SCN9A: variants seen among roughly 807,000 people sequenced by gnomAD.
SCN9A encodes the protein sodium voltage-gated channel alpha subunit 9.
In SCN9A, 131 loss-of-function variants were observed where a neutral mutation model predicts 187.0. The observed-to-expected ratio is 0.70, with a 90% confidence interval of 0.61 to 0.81. SCN9A has a LOEUF of 0.81. Among genes scored for constraint, SCN9A ranks in the 30% least tolerant of loss-of-function variants. The pLI is 0.00. For missense variants in SCN9A, 2,252 were observed against 2,396.6 expected (o/e 0.94, Z 1.26); for synonymous variants, 809 against 808.6 (o/e 1.00, Z -0.01).
intron 1 of SCN9A, among the ~76,000 whole-genome samples, chr2:166,313,327 T>C (rs1174580324): frequency 6.6e-6 from 1 of 152,148 alleles, no homozygotes; most frequent in Non-Finnish European, 1.5e-5. Flanking sequence ...CTATAATATA[T>C]TCTTCTAGTA....
At chr2:166,242,069 C>T (rs529882826) in intron 19 of SCN9A, among the ~76,000 whole-genome samples, 8 of 152,248 alleles carry the variant, frequency 5.3e-5, no homozygotes, top group African/African-American at 9.6e-5. Flanking sequence ...GACTGTTGCT[C>T]GCCAGTTGGA....
chr2:166,263,306 C>T (rs1696595092), intron 17 of SCN9A, among the ~76,000 whole-genome samples: 1 of 151,994 alleles, frequency 6.6e-6, no homozygotes, highest in African/African-American at 2.4e-5. Flanking sequence ...CCTGAAAACA[C>T]TTCTCAGTAA....
chr2:166,305,464 T>C (rs1295563182), intron 5 of SCN9A, among the ~76,000 whole-genome samples: 1 of 152,136 alleles, frequency 6.6e-6, no homozygotes, highest in African/African-American at 2.4e-5. Flanking sequence ...GTTTTTTGTG[T>C]GCTTCTTATA....
chr2:166,278,361 A>G (rs1697330188), intron 14 of SCN9A, 48 bp from the exon 15 acceptor site: 2 of 1,398,460 alleles, frequency 1.4e-6, no homozygotes, highest in Non-Finnish European at 1.9e-6. Context: ...AAAACAGGAA[A>G]TCAACACAAT....
chr2:166,235,086 C>T (rs780393272), intron 20 of SCN9A, among the ~76,000 whole-genome samples: 35 of 152,086 alleles, frequency 2.3e-4, no homozygotes, highest in Non-Finnish European at 5.9e-5. Context: ...CTTAGACTTC[C>T]CAGCTTCCAG....
intron 8 of SCN9A, 161 bp downstream of exon 8, chr2:166,294,438 A>G (rs1200255534): frequency 1.9e-6 from 1 of 527,822 alleles, no homozygotes; most frequent in African/African-American, 1.9e-5. Context: ...TTAACTGTGA[A>G]CATTTTAAAG....
At chr2:166,285,858 A>G (rs563656489) in intron 11 of SCN9A, among the ~76,000 whole-genome samples, 20 of 152,234 alleles carry the variant, frequency 1.3e-4, no homozygotes, top group African/African-American at 4.6e-4. Context: ...ATGGCACTAC[A>G]TATTAGTAGT....
chr2:166,305,951 T>G, intron 4 of SCN9A, 31 bp from the exon 5 acceptor site: 1 of 1,608,838 alleles, frequency 6.2e-7, no homozygotes, highest in East Asian at 2.2e-5. Flanking sequence ...GGATACTAGA[T>G]GTGAAAAGAA....
At chr2:166,327,011 C>T (rs761511663) in intron 1 of SCN9A, among the ~76,000 whole-genome samples, 4 of 152,048 alleles carry the variant, frequency 2.6e-5, no homozygotes, top group Non-Finnish European at 5.9e-5. Context: ...GTCTGTGAAA[C>T]CCCTTGACAA....
intron 12 of SCN9A, among the ~76,000 whole-genome samples, chr2:166,283,209 G>A (rs949460815): frequency 2.0e-5 from 3 of 152,054 alleles, no homozygotes; most frequent in African/African-American, 4.8e-5. Flanking sequence ...AAAACAAAAT[G>A]CAAGCAAAGT....
intron 26 of SCN9A, among the ~76,000 whole-genome samples, chr2:166,202,296 C>G (rs891000462): frequency 3.3e-5 from 5 of 149,498 alleles, no homozygotes; most frequent in Admixed American, 2.0e-4. Flanking sequence ...CTACTAGAAT[C>G]TTTTTTTTTA....
At chr2:166,200,227 GACC>G (rs1364952179) in intron 26 of SCN9A, among the ~76,000 whole-genome samples, 2 of 150,962 alleles carry the variant, frequency 1.3e-5, no homozygotes, top group Non-Finnish European at 3.0e-5. Flanking sequence ...TCGATCTCCT[GACC>G]TCGTGATCCG....
rs774058465 is a variant in SCN9A, at chr2:166,307,025, G to A, written c.308C>T (p.Thr103Ile). Reference sequence around the variant, plus strand: ...AGGAGAAAGCATATATAAAGCAGGTGTGGCATTGAAACGGAAGATTGTTTT... The same window carrying A: ...AGGAGAAAGCATATATAAAGCAGGTATGGCATTGAAACGGAAGATTGTTTT... The part of the protein sequence containing the change: ...KGKTIFRFNA[T>I]PALYMLSPFS... The change falls in exon 3 of 27, where the codon ACA becomes ATA. Residue 103 changes from threonine to isoleucine, a missense_variant. Physicochemically the swap from Thr to Ile is moderately conservative, Grantham distance 89. This residue lies in a region of SCN9A where 1,013 missense variants were observed against 997.4 expected (regional missense o/e 1.02). Transcript: ENST00000642356. 6.2e-6 allele frequency: 10 copies of A among 1,611,960 alleles called. No homozygotes were observed. In the African/African-American group the frequency reaches 9.3e-5, roughly 15 times the overall value.
chr2:166,201,346 T>C lies in SCN9A; in HGVS notation c.4775-1482A>G, dbSNP rs58481992. Among the ~76,000 whole-genome samples the C allele has an allele frequency of 4.0e-5, 6 of 148,290 alleles. No homozygotes were observed. The South Asian group carries it at 1.3e-3, about 31-fold the overall frequency. On this transcript the variant is annotated intron_variant, in intron 26 of 26. Transcript: ENST00000642356. ...CATAGTATATGTATACTATATAGTA[T>C]GTATATATAGCATATAGTATGCGTA... is the stretch of plus-strand genomic sequence containing the variant.
chr2:166,197,629 C>T lies in SCN9A; in HGVS notation c.*1043G>A, dbSNP rs1238235095. The T allele has an allele frequency of 6.6e-6, 1 of 152,076 alleles. No homozygotes were observed. The highest frequency in any genetic ancestry group is 2.4e-5 in the African/African-American group (1 of 41,412). 9.4% of individuals were successfully genotyped at this position (152,076 alleles called of 1,614,324 possible). On this transcript the variant is annotated 3_prime_UTR_variant, in exon 27 of 27. Coordinates refer to ENST00000642356, the MANE Select transcript of SCN9A (RefSeq NM_001365536.1). ...TACAAGTGATGCAATAAATACTGTG[C>T]CCAAGTTATTATCTGCTCAAGTATG... is the stretch of plus-strand genomic sequence containing the variant.
At position 166,307,078 on chromosome 2, in the gene SCN9A, C is replaced by A; in HGVS notation, c.259-4G>T. The A allele has an allele frequency of 6.6e-7, 1 of 1,512,522 alleles. No homozygotes were observed. Among genetic ancestry groups the A allele is most frequent in the Non-Finnish European group, 9.2e-7 (1 of 1,092,210 alleles). 93.7% of individuals were successfully genotyped at this position (1,512,522 alleles called of 1,614,324 possible). A position where few individuals can be genotyped will look rare whatever the true frequency, so the allele number is the denominator to read the frequency against. On this transcript the variant is annotated splice_polypyrimidine_tract_variant and splice_region_variant and intron_variant, in intron 2 of 26. Transcript: ENST00000642356. ...CTTTGTTCAATACTATGAAAGTCTG[C>A]AGGAGGAAAAAGAAAGGATGAAATT...
intron 1 of SCN9A, among the ~76,000 whole-genome samples, chr2:166,320,644 A>G (rs1426136355): frequency 6.6e-6 from 1 of 152,150 alleles, no homozygotes; most frequent in East Asian, 1.9e-4. Context: ...CAATCTTCCT[A>G]TTATCTGACA....
intron 17 of SCN9A, among the ~76,000 whole-genome samples, chr2:166,255,120 A>G (rs1696211811): frequency 1.8e-5 from 1 of 56,038 alleles, no homozygotes; most frequent in African/African-American, 7.9e-5. Flanking sequence ...GAGAGAGAGG[A>G]GAGAGAGAGA....
intron 20 of SCN9A, among the ~76,000 whole-genome samples, chr2:166,233,857 A>G (rs530284038): frequency 3.3e-5 from 5 of 152,272 alleles, no homozygotes; most frequent in Non-Finnish European, 5.9e-5. Flanking sequence ...TAAGCCCTAA[A>G]AGTGTGGTAT....
Sources: gnomAD v4.1 joint callset for allele counts (sites outside exome capture counted in the v4.1 genomes callset) on GRCh38, gnomAD v4.1.1 for gene constraint, gnomAD v4.1.1 regional missense constraint, MANE v1.5 for transcripts, NCBI Gene and HGNC (gene_info 2026-07-23, HGNC 2026-07-21) for gene names.